The following ATP5MC1 variants were observed in gnomAD, a reference collection of about 807,000 sequenced individuals.
ATP5MC1 encodes the protein ATP synthase F(0) complex subunit C1, mitochondrial.
A neutral mutation model predicts 12.1 loss-of-function variants in ATP5MC1; 4 were observed. The ratio of observed to expected loss-of-function variants is 0.33; its 90% CI spans 0.16 to 0.76. The LOEUF is 0.76. Ranked by LOEUF, ATP5MC1 falls within the 30% of genes least tolerant of loss-of-function variation. The probability of loss-of-function intolerance (pLI) is 0.61; values close to 1 mark genes in which losing one functional copy is unlikely to be tolerated. For synonymous variants in ATP5MC1, 52 were observed against 66.0 expected, an observed-to-expected ratio of 0.79 and a Z score of 1.03; for missense variants, 117 against 172.1, an observed-to-expected ratio of 0.68 and a Z score of 1.79.
chr17:48,894,972 G>T, intron 3 of ATP5MC1, 184 bp from the exon 4 acceptor site: 1 of 756,098 alleles, frequency 1.3e-6, no homozygotes, highest in Non-Finnish European at 2.3e-6. Context: ...CCTGTCTGCT[G>T]TCTGACAACA....
At chr17:48,895,406 G>T in intron 4 of ATP5MC1, 72 bp downstream of exon 4, 1 of 1,521,026 alleles carries the variant, frequency 6.6e-7, no homozygotes, top group Non-Finnish European at 8.8e-7. Context: ...AGCTGGAGGA[G>T]CTCCCTTCAG....
rs925206428 is a variant in ATP5MC1, at chr17:48,893,579, A to G, written c.39+123A>G. ...GATGTAGGCTCTTTGAGGTGGCTGTAGGATGTGATGAAGGTAACCCCTGTT... is the reference window on the plus strand; with the variant it reads ...GATGTAGGCTCTTTGAGGTGGCTGTGGGATGTGATGAAGGTAACCCCTGTT... On this transcript the variant is annotated intron_variant, in intron 2 of 4. Coordinates refer to ENST00000393366, the MANE Select transcript of ATP5MC1 (RefSeq NM_005175.3). The G allele has an allele frequency of 5.3e-6, 6 of 1,137,072 alleles. No individual in the cohort carries two copies. The Admixed American group carries it at 8.0e-5, about 15-fold the overall frequency. 70.4% of individuals were successfully genotyped at this position (1,137,072 alleles called of 1,614,324 possible).
intron 2 of ATP5MC1, chr17:48,893,742 A>G: frequency 2.0e-6 from 1 of 509,418 alleles, no homozygotes; most frequent in Non-Finnish European, 3.5e-6. Flanking sequence ...TGCACGTTAG[A>G]ATCATCCAGG....
chr17:48,895,203 G>A lies in ATP5MC1; in HGVS notation c.165G>A (p.Gln55=), dbSNP rs1193730460. Residue 55 remains glutamine, a synonymous_variant, in exon 4 of 5, where the codon CAG becomes CAA. Coordinates refer to ENST00000393366, the MANE Select transcript of ATP5MC1 (RefSeq NM_005175.3). Reference sequence around the variant, plus strand: ...TCCAGGTGGCCAGACGGGAGTTCCAGACCAGTGTTGTCTCCCGGGACATTG... The same window carrying A: ...TCCAGGTGGCCAGACGGGAGTTCCAAACCAGTGTTGTCTCCCGGGACATTG... ...FPLQVARREF[Q]TSVVSRDIDT... 1 of 1,611,838 alleles carries A rather than the reference G, an allele frequency of 6.2e-7. No homozygotes were observed. Among genetic ancestry groups the A allele is most frequent in the Non-Finnish European group, 8.5e-7 (1 of 1,178,074 alleles).
At chr17:48,894,215 C>T (rs1013606501) in intron 2 of ATP5MC1, 157 bp from the exon 3 acceptor site, 1 of 700,942 alleles carries the variant, frequency 1.4e-6, no homozygotes, top group Non-Finnish European at 2.5e-6. Context: ...ACAGCTGTCT[C>T]TGGGGCAGGC....
chr17:48,893,602 G>C (rs2040548832), intron 2 of ATP5MC1, 146 bp downstream of exon 2: 1 of 898,410 alleles, frequency 1.1e-6, no homozygotes, highest in Admixed American at 2.1e-5. Flanking sequence ...GGTAACCCCT[G>C]TTTATCTGGG....
intron 1 of ATP5MC1, chr17:48,893,191 C>A: frequency 1.9e-6 from 1 of 528,030 alleles, no homozygotes. Context: ...GGGGCTTGGG[C>A]ACATTTCCTT....
intron 1 of ATP5MC1, 111 bp from the exon 2 acceptor site, chr17:48,893,298 G>A (rs1397802117): frequency 1.9e-6 from 2 of 1,080,554 alleles, no homozygotes; most frequent in East Asian, 5.1e-5. Flanking sequence ...AAGGAAGAGC[G>A]TGGTCTAGGG....
chr17:48,895,814 A>G lies in ATP5MC1; in HGVS notation c.*45A>G. ...CGGCCTGTTGCTACTGCAACTCCAC[A>G]CCATTCTTGGTGCTGGGGTGTGTTA... On this transcript the variant is annotated 3_prime_UTR_variant, in exon 5 of 5. Coordinates refer to ENST00000393366, the MANE Select transcript of ATP5MC1 (RefSeq NM_005175.3). The G allele has an allele frequency of 6.5e-7, 1 of 1,526,824 alleles. No individual in the cohort carries two copies. Among genetic ancestry groups the G allele is most frequent in the Non-Finnish European group, 9.1e-7 (1 of 1,103,620 alleles). The allele number at this position is 1,526,824 out of a possible 1,614,324, so 94.6% of individuals were successfully genotyped here.
At chr17:48,895,631 G>T in intron 4 of ATP5MC1, 24 bp from the exon 5 acceptor site, 1 of 1,599,144 alleles carries the variant, frequency 6.3e-7, no homozygotes, top group Non-Finnish European at 8.6e-7. Flanking sequence ...TCCCTCAACT[G>T]GCAATGATCT....
At chr17:48,893,692 A>G in intron 2 of ATP5MC1, 1 of 579,300 alleles carries the variant, frequency 1.7e-6, no homozygotes, top group Non-Finnish European at 3.1e-6. Context: ...TGTCCTGGCC[A>G]TAGAGACAGC....
chr17:48,895,579 A>T, intron 4 of ATP5MC1, 76 bp from the exon 5 acceptor site: 6 of 1,391,050 alleles, frequency 4.3e-6, no homozygotes, highest in Non-Finnish European at 6.1e-6. Context: ...GTCCCCATTC[A>T]CCTCACCCTC....
rs35074390 is a variant in ATP5MC1 at position 48,895,777 on chromosome 17, TG to T, written c.*15del. ...ATCCTCTTCGCCATGTGAGGCTCCA[TG>T]GGGGGGTCACCGGCCTGTTGCTACT... On this transcript the variant is annotated 3_prime_UTR_variant, in exon 5 of 5. Transcript: ENST00000393366. The T allele has an allele frequency of 1, 1,597,562 of 1,603,308 alleles. 796,076 individuals are homozygous for T. The highest frequency in any genetic ancestry group is 1 in the East Asian group (44,823 of 44,826).
Position 48,895,793 on chromosome 17 carries a change from C to A in ATP5MC1, c.*24C>A. On this transcript the variant is annotated 3_prime_UTR_variant, in exon 5 of 5. Transcript: ENST00000393366. ...GAGGCTCCATGGGGGGGTCACCGGC[C>A]TGTTGCTACTGCAACTCCACACCAT... 6.3e-7 allele frequency: 1 copy of A among 1,580,030 alleles called. No homozygotes were observed. The highest frequency in any genetic ancestry group is 8.7e-7 in the Non-Finnish European group (1 of 1,150,690).
At position 48,894,701 on chromosome 17, in the gene ATP5MC1, G is replaced by A. The variant is rs1227610669; in HGVS notation, c.117+252G>A. On this transcript the variant is annotated intron_variant, in intron 3 of 4. Coordinates refer to ENST00000393366, the MANE Select transcript of ATP5MC1 (RefSeq NM_005175.3). ...AGAGGATTGGTTAATCCCAGAGGTC[G>A]AGACTGCTGTGACTATGCCACTGCA... 3.2e-5 allele frequency: 16 copies of A among 505,774 alleles called. 1 individual carries two copies. The highest frequency in any genetic ancestry group is 1.7e-4 in the South Asian group (9 of 51,862). The allele number at this position is 505,774 out of a possible 1,614,324, so 31.3% of individuals were successfully genotyped here.
In ATP5MC1 at chr17:48,895,827, C is replaced by G; in HGVS notation, c.*58C>G. The G allele has an allele frequency of 6.8e-7, 1 of 1,474,914 alleles. No individual in the cohort carries two copies. Among genetic ancestry groups the G allele is most frequent in the Non-Finnish European group, 9.5e-7 (1 of 1,057,578 alleles). The allele number at this position is 1,474,914 out of a possible 1,614,324, so 91.4% of individuals were successfully genotyped here. Reference sequence around the variant, plus strand: ...CTGCAACTCCACACCATTCTTGGTGCTGGGGTGTGTTAAGCTTTACCATTA... The same window carrying G: ...CTGCAACTCCACACCATTCTTGGTGGTGGGGTGTGTTAAGCTTTACCATTA... On this transcript the variant is annotated 3_prime_UTR_variant, in exon 5 of 5. Transcript: ENST00000393366.
At chr17:48,895,061 G>C in intron 3 of ATP5MC1, 95 bp from the exon 4 acceptor site, 1 of 1,442,220 alleles carries the variant, frequency 6.9e-7, no homozygotes. Context: ...CAGTTTCAGA[G>C]CTCAGGTGGG....
At position 48,895,281 on chromosome 17, in the gene ATP5MC1, T is replaced by A. The variant is rs778057967; in HGVS notation, c.243T>A (p.Gly81=). The A allele has an allele frequency of 1.8e-5, 29 of 1,600,818 alleles. No homozygotes were observed. The Admixed American group carries it at 5.0e-4, about 27-fold the overall frequency. ...GGGCAGCCACAGTTGGTGTGGCTGG[T>A]TCAGGGGCTGGCATTGGAACCGTGT... is the stretch of plus-strand genomic sequence containing the variant. ...GAGAATVGVA[G]SGAGIGTVFG... Residue 81 remains glycine (G), a synonymous_variant, in exon 4 of 5, where the codon GGT becomes GGA. Coordinates refer to ENST00000393366, the MANE Select transcript of ATP5MC1 (RefSeq NM_005175.3).
At chr17:48,894,218 G>T in intron 2 of ATP5MC1, 154 bp from the exon 3 acceptor site, 1 of 713,482 alleles carries the variant, frequency 1.4e-6, no homozygotes. Context: ...GCTGTCTCTG[G>T]GGCAGGCCTA....
Sources: gnomAD v4.1 joint callset for allele counts on GRCh38, gnomAD v4.1.1 for gene constraint, MANE v1.5 for transcripts, NCBI Gene and HGNC (gene_info 2026-07-23, HGNC 2026-07-21) for gene names.